PTPRG: variants seen among roughly 807,000 people sequenced by gnomAD.
PTPRG encodes the protein protein tyrosine phosphatase receptor type G.
Under a neutral mutation model 165.3 loss-of-function variants are expected in PTPRG, and 102 were observed. That is an observed-to-expected ratio of 0.62 (90% CI 0.53 to 0.73). The LOEUF (loss-of-function observed/expected upper bound fraction) is 0.73. PTPRG is among the 30% of genes least tolerant of loss of function. The pLI, the probability that PTPRG is intolerant of heterozygous loss-of-function variation, is 0.00. For synonymous variants in PTPRG, 675 were observed against 669.5 expected (o/e 1.01, Z -0.13); for missense variants, 1,866 against 1,861.4 (o/e 1.00, Z -0.05).
chr3:61,760,195 C>G (rs1346425847), intron 2 of PTPRG, among the ~76,000 whole-genome samples: 1 of 152,120 alleles, frequency 6.6e-6, no homozygotes, highest in East Asian at 1.9e-4. Flanking sequence ...CAAACTATAT[C>G]TGTGATTTGA....
chr3:62,083,496 G>A (rs1011560167), intron 5 of PTPRG, among the ~76,000 whole-genome samples: 12 of 152,090 alleles, frequency 7.9e-5, no homozygotes, highest in African/African-American at 2.9e-4. Context: ...CACCCTTCAT[G>A]GTTTATCTGG....
chr3:62,145,968 T>A (rs1179907201), intron 6 of PTPRG, among the ~76,000 whole-genome samples: 1 of 152,220 alleles, frequency 6.6e-6, no homozygotes, highest in African/African-American at 2.4e-5. Flanking sequence ...CTCTTGTATA[T>A]CTTGGTTTTC....
chr3:62,035,781 G>A (rs1238682174), intron 4 of PTPRG, among the ~76,000 whole-genome samples: 1 of 152,184 alleles, frequency 6.6e-6, no homozygotes, highest in Non-Finnish European at 1.5e-5. Context: ...TGGAAAGTTG[G>A]CGAGTGCATC....
At chr3:62,097,022 C>G (rs1022970562) in intron 5 of PTPRG, among the ~76,000 whole-genome samples, 5 of 152,140 alleles carry the variant, frequency 3.3e-5, no homozygotes, top group African/African-American at 4.8e-5. Context: ...AAATTATGGG[C>G]CAAGCTGGCT....
intron 1 of PTPRG, among the ~76,000 whole-genome samples, chr3:61,575,701 C>T (rs1184120777): frequency 6.7e-6 from 1 of 150,204 alleles, no homozygotes; most frequent in Non-Finnish European, 1.5e-5. Context: ...CGGGTTCAAG[C>T]AGTTCTCCCT....
chr3:61,749,118 A>G (rs1402656503), intron 2 of PTPRG, 136 bp downstream of exon 2: 1 of 786,082 alleles, frequency 1.3e-6, no homozygotes, highest in Non-Finnish European at 2.2e-6. Context: ...AAAAGTTGAA[A>G]TATTCGAGCC....
At chr3:61,806,264 A>T (rs185642513) in intron 2 of PTPRG, among the ~76,000 whole-genome samples, 4 of 152,308 alleles carry the variant, frequency 2.6e-5, no homozygotes, top group Admixed American at 2.6e-4. Context: ...TGATCTTAGA[A>T]TGAACCTTGT....
intron 1 of PTPRG, among the ~76,000 whole-genome samples, chr3:61,679,319 C>T (rs1703346731): frequency 6.6e-6 from 1 of 152,188 alleles, no homozygotes; most frequent in South Asian, 2.1e-4. Context: ...GGACAGAATG[C>T]ATGCTAGGGT....
chr3:62,201,386 C>T, intron 10 of PTPRG, 119 bp from the exon 11 acceptor site: 2 of 794,274 alleles, frequency 2.5e-6, no homozygotes, highest in Non-Finnish European at 1.9e-6. Context: ...AAAAAATCTA[C>T]AGAATAATAT....
At chr3:62,152,507 G>A (rs951514166) in intron 6 of PTPRG, among the ~76,000 whole-genome samples, 2 of 152,162 alleles carry the variant, frequency 1.3e-5, no homozygotes, top group African/African-American at 4.8e-5. Flanking sequence ...TGGCATCAGT[G>A]GACAGTACTA....
At chr3:62,062,965 A>T (rs1700870262) in intron 4 of PTPRG, among the ~76,000 whole-genome samples, 1 of 152,204 alleles carries the variant, frequency 6.6e-6, no homozygotes, top group Non-Finnish European at 1.5e-5. Context: ...ATTTTGTGGC[A>T]TTCTTACTTG....
chr3:61,734,106 T>C (rs535120557), intron 1 of PTPRG, among the ~76,000 whole-genome samples: 1 of 152,340 alleles, frequency 6.6e-6, no homozygotes, highest in South Asian at 2.1e-4. Flanking sequence ...TTGGGTAAAT[T>C]ATTTTAATAA....
At chr3:61,972,798 G>A (rs55985991) in intron 2 of PTPRG, among the ~76,000 whole-genome samples, 13,760 of 150,294 alleles carry the variant, frequency 0.092, 702 homozygotes, top group Middle Eastern at 0.14. Flanking sequence ...GACCGCTGGC[G>A]TGTGCCACCA....
intron 1 of PTPRG, among the ~76,000 whole-genome samples, chr3:61,626,154 G>A (rs1356655575): frequency 2.6e-5 from 4 of 151,898 alleles, no homozygotes; most frequent in African/African-American, 7.3e-5. Flanking sequence ...TAAAATTGAT[G>A]GCATCTCTTA....
chr3:62,063,209 T>C (rs1302866299), intron 4 of PTPRG, among the ~76,000 whole-genome samples: 1 of 152,202 alleles, frequency 6.6e-6, no homozygotes, highest in African/African-American at 2.4e-5. Flanking sequence ...CTCCATCATA[T>C]GTTTTCTCTG....
intron 5 of PTPRG, among the ~76,000 whole-genome samples, chr3:62,085,663 TTGC>T: frequency 6.6e-6 from 1 of 152,256 alleles, no homozygotes; most frequent in East Asian, 1.9e-4. Context: ...TAACTTTTTC[TTGC>T]TCTTGCTATT....
chr3:61,839,313 A>G (rs1391069077), intron 2 of PTPRG, among the ~76,000 whole-genome samples: 2 of 152,210 alleles, frequency 1.3e-5, no homozygotes, highest in African/African-American at 4.8e-5. Context: ...CTGTAGAATG[A>G]ATCTTATTTT....
chr3:61,585,288 A>T (rs1215091483), intron 1 of PTPRG, among the ~76,000 whole-genome samples: 3 of 151,714 alleles, frequency 2.0e-5, no homozygotes, highest in Non-Finnish European at 4.4e-5. Flanking sequence ...CTCAAAAAAA[A>T]AAAAAAAAAA....
At chr3:61,688,325 A>G (rs1376687263) in intron 1 of PTPRG, among the ~76,000 whole-genome samples, 1 of 152,226 alleles carries the variant, frequency 6.6e-6, no homozygotes, top group African/African-American at 2.4e-5. Context: ...CGGAGGAAAC[A>G]GCTCCCCACG....
Sources: gnomAD v4.1 joint callset for allele counts (sites outside exome capture counted in the v4.1 genomes callset) on GRCh38, gnomAD v4.1.1 for gene constraint, MANE v1.5 for transcripts, NCBI Gene and HGNC (gene_info 2026-07-23, HGNC 2026-07-21) for gene names.